Variants in CTNND2 observed in about 807,000 individuals in gnomAD.
CTNND2 encodes the protein catenin delta-2.
A neutral mutation model predicts 144.4 loss-of-function variants in CTNND2; 22 were observed. The ratio of observed to expected loss-of-function variants is 0.15; its 90% CI spans 0.11 to 0.22. CTNND2 has a LOEUF of 0.22. Among genes scored for constraint, CTNND2 ranks in the 10% least tolerant of loss-of-function variants. The probability of loss-of-function intolerance (pLI) is 1.00; values close to 1 mark genes in which losing one functional copy is unlikely to be tolerated. For synonymous variants in CTNND2, 751 were observed against 695.6 expected, an observed-to-expected ratio of 1.08 and a Z score of -1.25; for missense variants, 1,353 against 1,618.8, an observed-to-expected ratio of 0.84 and a Z score of 2.82.
chr5:11,292,026 T>C (rs924440893), intron 9 of CTNND2, among the ~76,000 whole-genome samples: 1 of 152,074 alleles, frequency 6.6e-6, no homozygotes, highest in East Asian at 1.9e-4. Flanking sequence ...GCTCAACTCA[T>C]GGTAGCACTA....
intron 11 of CTNND2, among the ~76,000 whole-genome samples, 197 bp downstream of exon 11, chr5:11,199,251 G>C (rs935648499): frequency 1.3e-5 from 2 of 152,050 alleles, no homozygotes; most frequent in African/African-American, 4.8e-5. Context: ...ACATTTACTG[G>C]ATTATTGAAT....
intron 16 of CTNND2, among the ~76,000 whole-genome samples, chr5:11,059,395 C>T (rs1036939559): frequency 6.6e-6 from 1 of 152,220 alleles, no homozygotes; most frequent in South Asian, 2.1e-4. Context: ...AACTCTCTCT[C>T]TTTGCCTGCT....
At chr5:11,197,146 G>A (rs1182176272) in intron 11 of CTNND2, among the ~76,000 whole-genome samples, 4 of 152,184 alleles carry the variant, frequency 2.6e-5, no homozygotes, top group Non-Finnish European at 5.9e-5. Flanking sequence ...TAGAGTGGAA[G>A]CTTGGCCAAG....
At chr5:11,840,960 C>T (rs1212167123) in intron 1 of CTNND2, among the ~76,000 whole-genome samples, 2 of 152,038 alleles carry the variant, frequency 1.3e-5, no homozygotes, top group South Asian at 2.1e-4. Context: ...GTTGATAAAA[C>T]TACTATAACA....
chr5:11,130,267 C>A (rs1020134456), intron 12 of CTNND2, among the ~76,000 whole-genome samples: 1 of 152,080 alleles, frequency 6.6e-6, no homozygotes, highest in Non-Finnish European at 1.5e-5. Flanking sequence ...ACACCCCCCC[C>A]ATCCACCCAT....
rs202244691 is a variant in CTNND2, at chr5:11,644,673, C to CAA, written c.175-79619_175-79618dup. On this transcript the variant is annotated intron_variant, in intron 2 of 21. Transcript: ENST00000304623. ...TGGGCGAAAGAACAAGACTCCATCT[C>CAA]AAAAAAAAAAAAAAAATGATACCAA... is the stretch of plus-strand genomic sequence containing the variant. Among the ~76,000 whole-genome samples, 1,089 of 114,284 alleles carry CAA rather than the reference C, an allele frequency of 9.5e-3. 3 individuals carry two copies. Among genetic ancestry groups the CAA allele is most frequent in the Middle Eastern group, 0.032 (5 of 156 alleles). 75.0% of individuals were successfully genotyped at this position (114,284 alleles called of 152,430 possible).
chr5:11,485,642 A>G (rs925282153), intron 3 of CTNND2, among the ~76,000 whole-genome samples: 1 of 152,210 alleles, frequency 6.6e-6, no homozygotes, highest in African/African-American at 2.4e-5. Context: ...ATTATTTGGT[A>G]AACAATAATA....
intron 7 of CTNND2, among the ~76,000 whole-genome samples, chr5:11,381,856 G>A (rs971538653): frequency 4.6e-5 from 7 of 152,100 alleles, no homozygotes. Context: ...AGCCCCAGCT[G>A]CTCAGGAGGC....
intron 2 of CTNND2, among the ~76,000 whole-genome samples, chr5:11,582,524 C>T (rs1427672434): frequency 6.6e-6 from 1 of 152,204 alleles, no homozygotes; most frequent in Non-Finnish European, 1.5e-5. Flanking sequence ...GAGCATCAAG[C>T]ACAGTGAAGT....
chr5:11,724,801 A>C (rs750062291), intron 2 of CTNND2, among the ~76,000 whole-genome samples: 1 of 152,248 alleles, frequency 6.6e-6, no homozygotes, highest in Non-Finnish European at 1.5e-5. Context: ...TTATCACTCC[A>C]AGATGTGTAA....
At chr5:11,483,522 G>A (rs1768487287) in intron 3 of CTNND2, among the ~76,000 whole-genome samples, 1 of 152,180 alleles carries the variant, frequency 6.6e-6, no homozygotes, top group African/African-American at 2.4e-5. Flanking sequence ...TCACATTGTT[G>A]CCCAGTGTTT....
intron 9 of CTNND2, among the ~76,000 whole-genome samples, chr5:11,344,848 G>A (rs908814536): frequency 2.0e-5 from 3 of 151,978 alleles, no homozygotes; most frequent in Non-Finnish European, 4.4e-5. Context: ...GAAAGGATAC[G>A]CCATTTAATA....
intron 12 of CTNND2, among the ~76,000 whole-genome samples, chr5:11,139,972 A>G (rs1444187394): frequency 1.3e-5 from 2 of 152,136 alleles, no homozygotes; most frequent in Non-Finnish European, 2.9e-5. Flanking sequence ...TATCACTCTG[A>G]TACTCTTCTG....
In CTNND2 at chr5:11,904,013, A is replaced by C; in HGVS notation, c.-160T>G. 2 of 792,542 alleles carry C rather than the reference A, an allele frequency of 2.5e-6. No homozygotes were observed. The highest frequency in any genetic ancestry group is 3.3e-6 in the Non-Finnish European group (2 of 598,102). The allele number at this position is 792,542 out of a possible 1,614,324, so 49.1% of individuals were successfully genotyped here. A position where few individuals can be genotyped will look rare whatever the true frequency, so the allele number is the denominator to read the frequency against. On this transcript the variant is annotated 5_prime_UTR_variant, in exon 1 of 22. Transcript: ENST00000304623. This position sits in a 1 kb window ranked among gnomAD's most constrained non-coding sequence, Gnocchi z 4.2. ...GGGATGCTGGCGGGCGGCAGGGGCG[A>C]GCGCCGCGGGCGAGAGGCGGCTCCC...
intron 1 of CTNND2, among the ~76,000 whole-genome samples, chr5:11,747,776 C>T (rs1461386558): frequency 6.6e-6 from 1 of 152,120 alleles, no homozygotes; most frequent in Non-Finnish European, 1.5e-5. Context: ...CTGTGAATTG[C>T]CAACTTTGAC....
intron 16 of CTNND2, among the ~76,000 whole-genome samples, chr5:11,075,664 C>T (rs534841265): frequency 6.6e-6 from 1 of 152,376 alleles, no homozygotes; most frequent in Non-Finnish European, 1.5e-5. Context: ...AGTGGAGGGG[C>T]TCTGTGAGCT....
chr5:11,243,769 C>T (rs879488469), intron 9 of CTNND2, among the ~76,000 whole-genome samples: 6 of 152,186 alleles, frequency 3.9e-5, no homozygotes, highest in Non-Finnish European at 5.9e-5. Flanking sequence ...GACTGTTCTG[C>T]TGGTACGGAA....
intron 1 of CTNND2, among the ~76,000 whole-genome samples, chr5:11,866,659 G>C (rs1304056457): frequency 6.6e-6 from 1 of 152,178 alleles, no homozygotes. Context: ...GTTTTTCGTG[G>C]ATCTCCTACT....
intron 15 of CTNND2, among the ~76,000 whole-genome samples, chr5:11,089,981 C>G (rs1272972609): frequency 6.6e-6 from 1 of 152,116 alleles, no homozygotes; most frequent in East Asian, 1.9e-4. Context: ...TGCACACCAG[C>G]CTGGGTGACA....
Sources: allele counts gnomAD v4.1 joint callset (sites outside exome capture counted in the v4.1 genomes callset), GRCh38; gene constraint gnomAD v4.1.1; non-coding constraint Gnocchi (gnomAD v3.1); transcripts MANE v1.5; gene names NCBI Gene and HGNC (gene_info 2026-07-23, HGNC 2026-07-21).